Variants in CEP131 observed in about 807,000 individuals in gnomAD.
The protein encoded by CEP131 is centrosomal protein 131.
A neutral mutation model predicts 136.8 loss-of-function variants in CEP131; 99 were observed. The ratio of observed to expected loss-of-function variants is 0.72; its 90% CI spans 0.62 to 0.86. The LOEUF (loss-of-function observed/expected upper bound fraction) is 0.86. Among genes scored for constraint, CEP131 ranks in the 40% least tolerant of loss-of-function variants. The pLI is 0.00. For missense variants in CEP131, 1,459 were observed against 1,463.0 expected, an observed-to-expected ratio of 1.00 and a Z score of 0.04; for synonymous variants, 646 against 612.7, an observed-to-expected ratio of 1.05 and a Z score of -0.80.
At chr17:81,212,471 C>A (rs1210001161) in intron 2 of CEP131, among the ~76,000 whole-genome samples, 1 of 149,584 alleles carries the variant, frequency 6.7e-6, no homozygotes, top group East Asian at 2.0e-4. Context: ...TTCCGAGTAG[C>A]CCCGGGCAGG....
At chr17:81,195,218 G>T (rs2061728585) in intron 16 of CEP131, among the ~76,000 whole-genome samples, 1 of 152,220 alleles carries the variant, frequency 6.6e-6, no homozygotes, top group Non-Finnish European at 1.5e-5. Flanking sequence ...CCATCAGCCT[G>T]CAGAGGCCTT....
Position 81,192,788 on chromosome 17 carries a change from GC to G in CEP131, c.2376del (p.Leu793CysfsTer26). ...CTCTCCTCAGCCACCTCACTGTACA[GC>G]CGCTGCCGTTGCTGCTGCAGCGCCC... ...EQWALQQQRQ[R>X]LYSEVAEERE... On this transcript the variant is annotated frameshift_variant, in exon 19 of 26. Transcript: ENST00000450824. LOFTEE classifies it high-confidence loss of function. 1 of 1,597,986 alleles carries G rather than the reference GC, an allele frequency of 6.3e-7. No homozygotes were observed. The highest frequency in any genetic ancestry group is 8.5e-7 in the Non-Finnish European group (1 of 1,178,778).
chr17:81,196,739 C>G lies in CEP131; in HGVS notation c.1861G>C (p.Glu621Gln), dbSNP rs773783855. 7 of 1,603,268 alleles carry G rather than the reference C, an allele frequency of 4.4e-6. No individual in the cohort carries two copies. Among genetic ancestry groups the G allele is most frequent in the Non-Finnish European group, 5.9e-6 (7 of 1,177,158 alleles). Residue 621 changes from glutamate (E) to glutamine (Q), a missense_variant, in exon 15 of 26, where the codon GAG becomes CAG. Coordinates refer to ENST00000450824, the MANE Select transcript of CEP131 (RefSeq NM_014984.4). ...GCCAAGTGCCGCTGGATGGTGGCCT[C>G]GTAGTGCTCCCTCTGCCGCTGCAGC... is the stretch of plus-strand genomic sequence containing the variant. ...RQLQRQREHY[E>Q]ATIQRHLAFI...
Position 81,191,242 on chromosome 17 carries a change from C to T in CEP131, c.2716G>A (p.Ala906Thr), listed in dbSNP as rs2061634513. ...TCCTCCTTGGCCAGCGCCATGTCGGCCTCCAGCCGGTGAATGACCAGCTCA... is the reference window on the plus strand; with the variant it reads ...TCCTCCTTGGCCAGCGCCATGTCGGTCTCCAGCCGGTGAATGACCAGCTCA... ...EIELVIHRLE[A>T]DMALAKEESE... The change falls in exon 22 of 26, where the codon GCC becomes ACC. Residue 906 changes from alanine (A) to threonine (T), a missense_variant. By Grantham distance (58) the Ala-to-Thr change is moderately conservative. Transcript: ENST00000450824. 2 of 1,613,282 alleles carry T rather than the reference C, an allele frequency of 1.2e-6. No individual in the cohort carries two copies. Among genetic ancestry groups the T allele is most frequent in the Non-Finnish European group, 1.7e-6 (2 of 1,179,972 alleles).
rs139671460 is a variant in CEP131 at position 81,203,524 on chromosome 17, T to C, written c.599A>G (p.Lys200Arg). The C allele has an allele frequency of 7.8e-4, 1,260 of 1,608,096 alleles. 2 individuals are homozygous for C. The highest frequency in any genetic ancestry group is 1.0e-3 in the Non-Finnish European group (1,202 of 1,178,036). Residue 200 changes from lysine (K) to arginine (R), a missense_variant, in exon 6 of 26, where the codon AAG (lysine) becomes AGG (arginine). Transcript: ENST00000450824. The surrounding 1 kb of genome is among the most constrained non-coding windows in gnomAD (Gnocchi z 4.6). ...GGAGGGGGCAGTCTGGTTGGAGCTC[T>C]TGAGCGGAGGCGCCCTCTCCGAGGG... is the stretch of plus-strand genomic sequence containing the variant. ...YTPSERAPPL[K>R]SSNQTAPSLN... is the part of the protein sequence containing the mutation.
chr17:81,220,160 G>A, intron 1 of CEP131, 87 bp from the exon 2 acceptor site: 1 of 1,186,574 alleles, frequency 8.4e-7, no homozygotes, highest in Non-Finnish European at 1.1e-6. Flanking sequence ...GCCTCAGCTG[G>A]GTCCACTGGC....
At chr17:81,214,204 C>G (rs2062193800) in intron 2 of CEP131, among the ~76,000 whole-genome samples, 1 of 152,244 alleles carries the variant, frequency 6.6e-6, no homozygotes, top group African/African-American at 2.4e-5. Flanking sequence ...GGGGAACACC[C>G]TGCACTTTCC....
At chr17:81,220,452 C>T (rs952870866) in intron 1 of CEP131, among the ~76,000 whole-genome samples, 2 of 152,154 alleles carry the variant, frequency 1.3e-5, no homozygotes, top group African/African-American at 4.8e-5. Context: ...CTGCCCCGAG[C>T]CCCACTGTTT....
intron 17 of CEP131, 117 bp downstream of exon 17, chr17:81,194,753 C>T: frequency 1.0e-5 from 9 of 899,360 alleles, no homozygotes; most frequent in East Asian, 2.4e-5. Flanking sequence ...GAGTGTTCAC[C>T]TCTGCCCAGG....
Position 81,207,178 on chromosome 17 carries a change from G to A in CEP131, c.334C>T (p.Pro112Ser). 1 of 1,613,676 alleles carries A rather than the reference G, an allele frequency of 6.2e-7. No individual in the cohort carries two copies. The highest frequency in any genetic ancestry group is 1.1e-5 in the South Asian group (1 of 91,054). ...FEGSPSGKKR[P>S]ASLSTAPSEK... Reference sequence around the variant, plus strand: ...CTGGGGGCTGTGCTCAGGCTGGCAGGCCTCTTTTTCCCACTGGGGCTGCCC... The same window carrying A: ...CTGGGGGCTGTGCTCAGGCTGGCAGACCTCTTTTTCCCACTGGGGCTGCCC... The change falls in exon 4 of 26, where the codon CCT (proline) becomes TCT (serine). Residue 112 changes from proline to serine, a missense_variant. Around this residue, in one of 3 missense-constraint regions of CEP131, gnomAD observed 187 missense variants for 179.9 expected, o/e 1.04. Coordinates refer to ENST00000450824, the MANE Select transcript of CEP131 (RefSeq NM_014984.4).
At chr17:81,221,145 A>C (rs959851745) in intron 1 of CEP131, among the ~76,000 whole-genome samples, 12 of 151,254 alleles carry the variant, frequency 7.9e-5, no homozygotes, top group African/African-American at 2.7e-4. Context: ...AAAAAAAAAA[A>C]ACGCGGGAGT....
Position 81,190,710 on chromosome 17 carries a change from C to A in CEP131, c.3036G>T (p.Thr1012=). ...EDRLAASEEE[T]RQAKAELATL... is the part of the protein sequence containing the mutation. The stretch of plus-strand genomic sequence containing the variant: ...TGGCCAGCTCGGCCTTGGCCTGCCG[C>A]GTCTCCTCCTCAGAGGCTGCCAGCC... The change falls in exon 24 of 26, where the codon ACG becomes ACT. Residue 1012 remains threonine (T), a synonymous_variant. Transcript: ENST00000450824. The A allele has an allele frequency of 1.2e-6, 2 of 1,609,306 alleles. No homozygotes were observed. The highest frequency in any genetic ancestry group is 1.1e-5 in the South Asian group (1 of 90,720).
Position 81,220,090 on chromosome 17 carries a change from G to A in CEP131, c.-17-17C>T. 2.7e-6 allele frequency: 4 copies of A among 1,484,928 alleles called. No individual in the cohort carries two copies. Among genetic ancestry groups the A allele is most frequent in the Non-Finnish European group, 3.6e-6 (4 of 1,120,478 alleles). 92.0% of individuals were successfully genotyped at this position (1,484,928 alleles called of 1,614,324 possible). On this transcript the variant is annotated splice_polypyrimidine_tract_variant and intron_variant, in intron 1 of 25. Transcript: ENST00000450824. ...AGGCAGGTCCTGAGCGGGGAAGCAA[G>A]AGCTGCAATGAGATGCCGTGGGGGA...
rs1029520732 is a variant in CEP131, at chr17:81,215,012, C to T, written c.177+4868G>A. The stretch of plus-strand genomic sequence containing the variant: ...CAGGATGGTCTCAATCTCCTGGCCT[C>T]GTGATCTGCTTGCCTCAACCTCCCA... On this transcript the variant is annotated intron_variant, in intron 2 of 25. Transcript: ENST00000450824. This position sits in a 1 kb window ranked among gnomAD's most constrained non-coding sequence, Gnocchi z 4.1. 1.3e-5 allele frequency among the ~76,000 whole-genome samples: 2 copies of T among 151,926 alleles called. No homozygotes were observed. Among genetic ancestry groups the T allele is most frequent in the East Asian group, 1.9e-4 (1 of 5,188 alleles).
intron 2 of CEP131, among the ~76,000 whole-genome samples, chr17:81,212,347 G>T (rs896616848): frequency 1.3e-5 from 2 of 150,380 alleles, no homozygotes; most frequent in Admixed American, 6.6e-5. Flanking sequence ...GAAAAGAAAA[G>T]AAAAGATGTT....
At chr17:81,205,373 CAGCAGTGGGGTAGGAGG>C in intron 5 of CEP131, among the ~76,000 whole-genome samples, 1 of 131,252 alleles carries the variant, frequency 7.6e-6, no homozygotes, top group African/African-American at 2.9e-5. Context: ...GTAGGAGGGG[CAGCAGTGGGGTAGGAGG>C]GGCAGCGGGG....
Position 81,202,408 on chromosome 17 carries a change from A to G in CEP131, c.630-10T>C, listed in dbSNP as rs779385241. The G allele has an allele frequency of 7.4e-6, 12 of 1,611,868 alleles. No individual in the cohort carries two copies. Among genetic ancestry groups the G allele is most frequent in the Non-Finnish European group, 1.0e-5 (12 of 1,179,512 alleles). The stretch of plus-strand genomic sequence containing the variant: ...TGCCTTGATGATGTTGCTGACAGGT[A>G]AGAAGAAAACACCCTCGTCTCACCG... On this transcript the variant is annotated splice_polypyrimidine_tract_variant and intron_variant, in intron 6 of 25. Coordinates refer to ENST00000450824, the MANE Select transcript of CEP131 (RefSeq NM_014984.4).
chr17:81,209,155 C>T lies in CEP131; in HGVS notation c.178-133G>A, dbSNP rs545818867. On this transcript the variant is annotated intron_variant, in intron 2 of 25. Coordinates refer to ENST00000450824, the MANE Select transcript of CEP131 (RefSeq NM_014984.4). Reference sequence around the variant, plus strand: ...CTAGGGTTACAGGTGGCCCAAGTGGCCTCAAAGGCAGTGGGTGGTCAGAGG... The same window carrying T: ...CTAGGGTTACAGGTGGCCCAAGTGGTCTCAAAGGCAGTGGGTGGTCAGAGG... 2.1e-5 allele frequency: 14 copies of T among 672,884 alleles called. No individual in the cohort carries two copies. In the South Asian group the frequency reaches 2.4e-4, roughly 11 times the overall value. 41.7% of individuals were successfully genotyped at this position (672,884 alleles called of 1,614,324 possible).
At position 81,207,509 on chromosome 17, in the gene CEP131, CT is replaced by C. The variant is rs377182496; in HGVS notation, c.273-271del. Among the ~76,000 whole-genome samples, 462 of 140,818 alleles carry C rather than the reference CT, an allele frequency of 3.3e-3. 1 individual carries two copies. The highest frequency in any genetic ancestry group is 0.013 in the East Asian group (63 of 4,824). The allele number at this position is 140,818 out of a possible 152,430, so 92.4% of individuals were successfully genotyped here. A position where few individuals can be genotyped will look rare whatever the true frequency, so the allele number is the denominator to read the frequency against. Reference sequence around the variant, plus strand: ...AAGGGCCTTATTTGTTTTTTCTTTTCTTTTTTTTTTTTTTATGTTAGTAGAG... The same window carrying C: ...AAGGGCCTTATTTGTTTTTTCTTTTCTTTTTTTTTTTTTATGTTAGTAGAG... On this transcript the variant is annotated intron_variant, in intron 3 of 25. Coordinates refer to ENST00000450824, the MANE Select transcript of CEP131 (RefSeq NM_014984.4).
Sources: gnomAD v4.1 joint callset for allele counts (sites outside exome capture counted in the v4.1 genomes callset) on GRCh38, gnomAD v4.1.1 for gene constraint, gnomAD v4.1.1 regional missense constraint, Gnocchi (gnomAD v3.1) non-coding constraint, MANE v1.5 for transcripts, NCBI Gene and HGNC (gene_info 2026-07-23, HGNC 2026-07-21) for gene names.